The following ADAM7 variants were observed in gnomAD, a reference collection of about 807,000 sequenced individuals.
ADAM7 encodes the protein disintegrin and metalloproteinase domain-containing protein 7.
Under a neutral mutation model 102.9 loss-of-function variants are expected in ADAM7, and 97 were observed. That is an observed-to-expected ratio of 0.94 (90% CI 0.80 to 1.12). The LOEUF is 1.12. Among genes scored for constraint, ADAM7 ranks in the 50% most tolerant of loss-of-function variants. The probability of loss-of-function intolerance (pLI) is 0.00; values close to 1 mark genes in which losing one functional copy is unlikely to be tolerated. For missense variants in ADAM7, 991 were observed against 908.7 expected (o/e 1.09, Z -1.16); for synonymous variants, 334 against 304.4 (o/e 1.10, Z -1.01).
chr8:24,456,773 T>C (rs1182473469), intron 3 of ADAM7, among the ~76,000 whole-genome samples: 1 of 152,158 alleles, frequency 6.6e-6, no homozygotes, highest in Non-Finnish European at 1.5e-5. Flanking sequence ...TGCTGCTGCA[T>C]TTATCAGAGG....
rs1475174387 is a variant in ADAM7 at position 24,485,267 on chromosome 8, T to C, written c.876-10T>C. 1.2e-6 allele frequency: 2 copies of C among 1,611,420 alleles called. No homozygotes were observed. The highest frequency in any genetic ancestry group is 1.7e-6 in the Non-Finnish European group (2 of 1,178,534). On this transcript the variant is annotated splice_polypyrimidine_tract_variant and intron_variant, in intron 9 of 21. Coordinates refer to ENST00000175238, the MANE Select transcript of ADAM7 (RefSeq NM_003817.4). ...TCAGATTGAAGACTATTTTTGCATC[T>C]TTTTCATAGTGGGAAGTGGCTCTAC... is the stretch of plus-strand genomic sequence containing the variant.
At chr8:24,441,339 T>G (rs914689075) in intron 1 of ADAM7, among the ~76,000 whole-genome samples, 179 bp downstream of exon 1, 6 of 152,230 alleles carry the variant, frequency 3.9e-5, no homozygotes, top group African/African-American at 1.2e-4. Flanking sequence ...CATATCACTC[T>G]TGAACATTCT....
At chr8:24,472,996 C>T (rs775002744) in intron 7 of ADAM7, among the ~76,000 whole-genome samples, 12 of 152,054 alleles carry the variant, frequency 7.9e-5, no homozygotes, top group African/African-American at 2.4e-5. Context: ...AAAATGCTAT[C>T]AAGCTGACTC....
At chr8:24,489,439 C>T (rs1283097744) in intron 12 of ADAM7, 106 bp downstream of exon 12, 1 of 1,133,710 alleles carries the variant, frequency 8.8e-7, no homozygotes, top group East Asian at 2.8e-5. Flanking sequence ...CCTTGTAAAA[C>T]TTTTAAAAAT....
rs751214581 is a variant in ADAM7, at chr8:24,468,784, G to A, written c.597G>A (p.Lys199=). Residue 199 remains lysine, a synonymous_variant, in exon 7 of 22, where the codon AAG becomes AAA. Transcript: ENST00000175238. ...DSKIKGIHDE[K]YVELFIVADD... ...CTTTACAGGGCATCCATGATGAAAA[G>A]TATGTTGAATTGTTCATTGTTGCTG... 19 of 1,613,296 alleles carry A rather than the reference G, an allele frequency of 1.2e-5. No individual in the cohort carries two copies. The highest frequency in any genetic ancestry group is 4.5e-5 in the East Asian group (2 of 44,788).
In ADAM7 at chr8:24,442,542, G is replaced by A. The variant is rs763296638; in HGVS notation, c.122G>A (p.Arg41Gln). Residue 41 changes from arginine to glutamine, a missense_variant, in exon 2 of 22, where the codon CGA becomes CAA. Transcript: ENST00000175238. The part of the protein sequence containing the change: ...RPKKLPLIQK[R>Q]DTGHTHDDDI... ...AAAAAGCTTCCTCTGATACAGAAGCGAGATACTGGACACACCCATGATGAT... is the reference window on the plus strand; with the variant it reads ...AAAAAGCTTCCTCTGATACAGAAGCAAGATACTGGACACACCCATGATGAT... The A allele has an allele frequency of 7.7e-5, 124 of 1,613,860 alleles. No individual in the cohort carries two copies. Among genetic ancestry groups the A allele is most frequent in the Non-Finnish European group, 2.2e-5 (26 of 1,179,928 alleles).
chr8:24,445,738 C>T (rs755099512), intron 2 of ADAM7, among the ~76,000 whole-genome samples: 22 of 152,156 alleles, frequency 1.4e-4, no homozygotes, highest in Non-Finnish European at 3.1e-4. Flanking sequence ...TAGGATAAGG[C>T]CCAAATCTTT....
intron 5 of ADAM7, 132 bp from the exon 6 acceptor site, chr8:24,466,667 A>G (rs1819435826): frequency 4.2e-6 from 3 of 711,380 alleles, no homozygotes; most frequent in South Asian, 4.1e-5. Context: ...TTTCCTTACC[A>G]CTGAAAGCAC....
chr8:24,499,398 G>A, intron 17 of ADAM7, 82 bp downstream of exon 17: 2 of 1,011,806 alleles, frequency 2.0e-6, no homozygotes, highest in Non-Finnish European at 2.8e-6. Context: ...GCATGTATAT[G>A]TATGTATATA....
At chr8:24,491,497 T>G (rs1182653184) in intron 13 of ADAM7, among the ~76,000 whole-genome samples, 1 of 152,180 alleles carries the variant, frequency 6.6e-6, no homozygotes, top group African/African-American at 2.4e-5. Context: ...TTTCTCCAGT[T>G]CATATGCAGG....
intron 13 of ADAM7, 126 bp downstream of exon 13, chr8:24,491,014 C>T (rs1820329586): frequency 1.1e-6 from 1 of 872,248 alleles, no homozygotes; most frequent in Admixed American, 2.4e-5. Context: ...TTGCAAGTAC[C>T]CAACAGAGAT....
At chr8:24,490,757 G>A in intron 12 of ADAM7, 42 bp from the exon 13 acceptor site, 1 of 1,588,980 alleles carries the variant, frequency 6.3e-7, no homozygotes, top group South Asian at 1.1e-5. Context: ...AGGAGTCAGA[G>A]TACATACCAA....
chr8:24,452,295 G>A (rs1818826904), intron 3 of ADAM7, among the ~76,000 whole-genome samples: 1 of 149,956 alleles, frequency 6.7e-6, no homozygotes, highest in Non-Finnish European at 1.5e-5. Context: ...AAGTCTCTTT[G>A]CAGGTCACTC....
At position 24,506,486 on chromosome 8, in the gene ADAM7, C is replaced by A. The variant is rs577635446; in HGVS notation, c.2209-994C>A. ...GATATTTTAAACTAACACATTAGCA[C>A]AAAATTTATCTTAATTACTGAATTA... is the stretch of plus-strand genomic sequence containing the variant. On this transcript the variant is annotated intron_variant, in intron 20 of 21. Coordinates refer to ENST00000175238, the MANE Select transcript of ADAM7 (RefSeq NM_003817.4). 3.9e-5 allele frequency among the ~76,000 whole-genome samples: 6 copies of A among 152,186 alleles called. No individual in the cohort carries two copies. The South Asian group carries it at 1.2e-3, about 32-fold the overall frequency.
intron 3 of ADAM7, among the ~76,000 whole-genome samples, chr8:24,458,429 G>C (rs771354075): frequency 6.6e-6 from 1 of 152,072 alleles, no homozygotes; most frequent in Non-Finnish European, 1.5e-5. Flanking sequence ...TATATAAGCT[G>C]AATTGTCTTT....
chr8:24,470,155 A>C (rs1168006197), intron 7 of ADAM7, among the ~76,000 whole-genome samples: 1 of 152,172 alleles, frequency 6.6e-6, no homozygotes, highest in East Asian at 1.9e-4. Flanking sequence ...CAGATTGACT[A>C]TAAGTAAATC....
intron 6 of ADAM7, among the ~76,000 whole-genome samples, chr8:24,468,202 T>G (rs1240320294): frequency 6.6e-6 from 1 of 152,032 alleles, no homozygotes; most frequent in Non-Finnish European, 1.5e-5. Flanking sequence ...ATGCAGTCAG[T>G]CCTGTTGGTC....
chr8:24,473,605 T>C (rs1361790076), intron 7 of ADAM7, among the ~76,000 whole-genome samples: 1 of 152,166 alleles, frequency 6.6e-6, no homozygotes, highest in East Asian at 1.9e-4. Context: ...TATAGATACC[T>C]GTAAGAGTGA....
chr8:24,469,198 G>A (rs1474383509), intron 7 of ADAM7, among the ~76,000 whole-genome samples: 1 of 152,072 alleles, frequency 6.6e-6, no homozygotes, highest in Non-Finnish European at 1.5e-5. Flanking sequence ...CCGCTATACA[G>A]AATACAAAAA....
Sources: gnomAD v4.1 joint callset for allele counts (sites outside exome capture counted in the v4.1 genomes callset) on GRCh38, gnomAD v4.1.1 for gene constraint, MANE v1.5 for transcripts, NCBI Gene and HGNC (gene_info 2026-07-23, HGNC 2026-07-21) for gene names.